GALNTL6: variants seen among roughly 807,000 people sequenced by gnomAD.
GALNTL6 encodes polypeptide N-acetylgalactosaminyltransferase-like 6.
Under a neutral mutation model 73.7 loss-of-function variants are expected in GALNTL6, and 46 were observed. The ratio of observed to expected loss-of-function variants is 0.62; its 90% confidence interval spans 0.49 to 0.80. GALNTL6 has a LOEUF of 0.80. GALNTL6 is among the 30% of genes least tolerant of loss of function. The pLI is 0.00. For missense variants in GALNTL6, 604 were observed against 755.0 expected (o/e 0.80, Z 2.34); for synonymous variants, 259 against 263.7 (o/e 0.98, Z 0.17).
intron 9 of GALNTL6, among the ~76,000 whole-genome samples, chr4:172,948,464 T>C (rs1749277173): frequency 6.6e-6 from 1 of 152,230 alleles, no homozygotes; most frequent in African/African-American, 2.4e-5. Context: ...TGTTTTGTTT[T>C]TCTTTGAGAC....
chr4:172,918,187 A>G (rs1747622992), intron 8 of GALNTL6, among the ~76,000 whole-genome samples: 1 of 152,174 alleles, frequency 6.6e-6, no homozygotes, highest in Non-Finnish European at 1.5e-5. Context: ...GGAATTGAAC[A>G]ATGAGAACAC....
At chr4:172,559,455 A>G (rs1240381027) in intron 5 of GALNTL6, among the ~76,000 whole-genome samples, 1 of 152,194 alleles carries the variant, frequency 6.6e-6, no homozygotes, top group Non-Finnish European at 1.5e-5. Flanking sequence ...GAAGAGCCAG[A>G]TAATTTTTTT....
intron 2 of GALNTL6, among the ~76,000 whole-genome samples, chr4:171,867,146 A>G (rs972597993): frequency 4.6e-5 from 7 of 152,154 alleles, no homozygotes; most frequent in Admixed American, 4.6e-4. Context: ...TGAAGTAAAT[A>G]CAAAATAAAC....
chr4:172,772,671 T>A (rs1027284394), intron 5 of GALNTL6, among the ~76,000 whole-genome samples: 37 of 152,156 alleles, frequency 2.4e-4, no homozygotes, highest in Non-Finnish European at 3.4e-4. Context: ...ACTTTTTTTT[T>A]AATTTCTATA....
chr4:172,038,765 T>C (rs1420941446), intron 2 of GALNTL6, among the ~76,000 whole-genome samples: 2 of 152,042 alleles, frequency 1.3e-5, no homozygotes, highest in African/African-American at 4.8e-5. Flanking sequence ...TATTTTTAAA[T>C]GGATAAGTGA....
At chr4:172,520,852 TA>T (rs1412336724) in intron 5 of GALNTL6, among the ~76,000 whole-genome samples, 1 of 152,018 alleles carries the variant, frequency 6.6e-6, no homozygotes, top group Non-Finnish European at 1.5e-5. Context: ...ATATATTTTG[TA>T]GATGTTCTAT....
intron 5 of GALNTL6, among the ~76,000 whole-genome samples, chr4:172,500,568 CA>C (rs1734225860): frequency 6.6e-6 from 1 of 151,844 alleles, no homozygotes. Context: ...CAATATTTTT[CA>C]AATAATTTTT....
At chr4:172,951,778 T>G (rs1447694585) in intron 9 of GALNTL6, among the ~76,000 whole-genome samples, 1 of 152,190 alleles carries the variant, frequency 6.6e-6, no homozygotes, top group African/African-American at 2.4e-5. Flanking sequence ...GTGAGCTGAA[T>G]CTTTACTGGC....
intron 2 of GALNTL6, among the ~76,000 whole-genome samples, chr4:172,179,529 G>T (rs369463032): frequency 1.1e-3 from 159 of 141,004 alleles, no homozygotes; most frequent in African/African-American, 4.0e-3. Flanking sequence ...TAAATTTGTT[G>T]GAGTTCATTG....
Position 172,373,421 on chromosome 4 carries a change from C to T in GALNTL6, c.553+24732C>T, listed in dbSNP as rs558751926. On this transcript the variant is annotated intron_variant, in intron 5 of 12. Coordinates refer to ENST00000506823, the MANE Select transcript of GALNTL6 (RefSeq NM_001034845.3). ...TCTTGCACTAGTCTCCACTGACCGT[C>T]GGTTTTTGTACTTCTAGAATTGGGG... 2.6e-5 allele frequency among the ~76,000 whole-genome samples: 4 copies of T among 152,170 alleles called. No homozygotes were observed. In the South Asian group the frequency reaches 6.2e-4, roughly 24 times the overall value.
At chr4:172,885,404 TTC>T (rs1745667770) in intron 8 of GALNTL6, among the ~76,000 whole-genome samples, 1 of 152,212 alleles carries the variant, frequency 6.6e-6, no homozygotes, top group Non-Finnish European at 1.5e-5. Flanking sequence ...TCAGATTGAT[TTC>T]TGTTAGTGTA....
At chr4:172,483,943 G>A (rs1418200241) in intron 5 of GALNTL6, among the ~76,000 whole-genome samples, 2 of 152,132 alleles carry the variant, frequency 1.3e-5, no homozygotes, top group African/African-American at 4.8e-5. Context: ...TATCTTTAAG[G>A]GACAATAAGG....
chr4:172,293,211 G>A (rs544569107), intron 3 of GALNTL6, among the ~76,000 whole-genome samples: 1 of 152,102 alleles, frequency 6.6e-6, no homozygotes, highest in Non-Finnish European at 1.5e-5. Context: ...ATCCTTGGAT[G>A]ACAATAGCAA....
intron 5 of GALNTL6, among the ~76,000 whole-genome samples, chr4:172,778,320 T>A (rs201341628): frequency 2.6e-5 from 4 of 152,162 alleles, no homozygotes. Context: ...GAATTATTTA[T>A]CCCACCTGCC....
chr4:172,568,526 G>A (rs1175541144), intron 5 of GALNTL6, among the ~76,000 whole-genome samples: 1 of 151,968 alleles, frequency 6.6e-6, no homozygotes, highest in African/African-American at 2.4e-5. Flanking sequence ...GGAGGCCGAG[G>A]CGGGCGGATC....
chr4:172,938,587 T>C (rs1317007482), intron 9 of GALNTL6, among the ~76,000 whole-genome samples: 1 of 152,198 alleles, frequency 6.6e-6, no homozygotes, highest in Admixed American at 6.5e-5. Context: ...CTCCCTCAAA[T>C]TGACCTTTCT....
intron 4 of GALNTL6, among the ~76,000 whole-genome samples, chr4:172,315,077 C>T (rs948662940): frequency 6.6e-6 from 1 of 152,242 alleles, no homozygotes; most frequent in East Asian, 1.9e-4. Context: ...ATCAGTCTTA[C>T]TTTTATCCAA....
chr4:172,723,152 A>T (rs1332412314), intron 5 of GALNTL6, among the ~76,000 whole-genome samples: 1 of 152,102 alleles, frequency 6.6e-6, no homozygotes, highest in Non-Finnish European at 1.5e-5. Flanking sequence ...TCTCTAAAGG[A>T]TCTGCGTGGT....
At chr4:171,862,851 A>C (rs918843566) in intron 2 of GALNTL6, among the ~76,000 whole-genome samples, 8 of 152,270 alleles carry the variant, frequency 5.3e-5, no homozygotes, top group African/African-American at 1.9e-4. Context: ...CCCCCAAATT[A>C]TCTGAGTTTT....
Sources: gnomAD v4.1 joint callset for allele counts (sites outside exome capture counted in the v4.1 genomes callset) on GRCh38, gnomAD v4.1.1 for gene constraint, MANE v1.5 for transcripts, NCBI Gene and HGNC (gene_info 2026-07-23, HGNC 2026-07-21) for gene names.